Variants in SLC16A10 observed in about 807,000 individuals in gnomAD.
SLC16A10 encodes solute carrier family 16 member 10, also known as monocarboxylate transporter 10.
A neutral mutation model predicts 40.0 loss-of-function variants in SLC16A10; 27 were observed. The ratio of observed to expected loss-of-function variants is 0.67; its 90% CI spans 0.50 to 0.93. The LOEUF is 0.93. Ranked by LOEUF, SLC16A10 falls within the 40% of genes least tolerant of loss-of-function variation. SLC16A10 has a pLI of 0.00. For synonymous variants in SLC16A10, 213 were observed against 249.8 expected, an observed-to-expected ratio of 0.85 and a Z score of 1.39; for missense variants, 529 against 658.2, an observed-to-expected ratio of 0.80 and a Z score of 2.15.
At chr6:111,157,916 A>G (rs929694846) in intron 1 of SLC16A10, among the ~76,000 whole-genome samples, 3 of 151,540 alleles carry the variant, frequency 2.0e-5, no homozygotes, top group Non-Finnish European at 4.4e-5. Flanking sequence ...AAAAAAAAAA[A>G]AAAGAAAAAA....
At chr6:111,187,438 C>T (rs1772917691) in intron 3 of SLC16A10, among the ~76,000 whole-genome samples, 1 of 152,044 alleles carries the variant, frequency 6.6e-6, no homozygotes, top group Admixed American at 6.6e-5. Context: ...TAACTTAGGA[C>T]CTGAAAGGCA....
intron 3 of SLC16A10, among the ~76,000 whole-genome samples, chr6:111,203,688 C>T (rs1280743564): frequency 6.7e-6 from 1 of 148,740 alleles, no homozygotes; most frequent in Non-Finnish European, 1.5e-5. Flanking sequence ...CACCACTGCA[C>T]TCCAGCCTGG....
At chr6:111,164,550 A>G (rs535537605) in intron 1 of SLC16A10, among the ~76,000 whole-genome samples, 3 of 152,290 alleles carry the variant, frequency 2.0e-5, no homozygotes, top group African/African-American at 7.2e-5. Context: ...ACCTGAGGTC[A>G]GGAGTTCAAG....
intron 1 of SLC16A10, among the ~76,000 whole-genome samples, chr6:111,096,651 C>T (rs545900415): frequency 6.6e-6 from 1 of 152,204 alleles, no homozygotes; most frequent in Non-Finnish European, 1.5e-5. Flanking sequence ...AAAAAAAAGT[C>T]GATGAAGAAA....
In SLC16A10 at chr6:111,224,221, C is replaced by CAGA. The variant is rs1385065878; in HGVS notation, c.*1988_*1990dup. 3.3e-5 allele frequency: 5 copies of CAGA among 152,148 alleles called. No homozygotes were observed. Among genetic ancestry groups the CAGA allele is most frequent in the African/African-American group, 1.2e-4 (5 of 41,428 alleles). 9.4% of individuals were successfully genotyped at this position (152,148 alleles called of 1,614,324 possible). ...CTGTACTCTAGCCTGTTCAACTGAG[C>CAGA]AGAACCCTGTCTGTAAAAGAAAATC... On this transcript the variant is annotated 3_prime_UTR_variant, in exon 6 of 6. Coordinates refer to ENST00000368851, the MANE Select transcript of SLC16A10 (RefSeq NM_018593.5).
At chr6:111,156,126 A>G (rs1338946773) in intron 1 of SLC16A10, among the ~76,000 whole-genome samples, 3 of 152,244 alleles carry the variant, frequency 2.0e-5, no homozygotes, top group Non-Finnish European at 4.4e-5. Flanking sequence ...AAATCAGAGT[A>G]TAAAATAAAT....
chr6:111,215,537 T>C (rs976859736), intron 4 of SLC16A10, among the ~76,000 whole-genome samples: 2 of 152,066 alleles, frequency 1.3e-5, no homozygotes, highest in African/African-American at 4.8e-5. Flanking sequence ...TGGTTGGGAA[T>C]GTTTGGTCTA....
At chr6:111,107,436 ATACTC>A (rs936212919) in intron 1 of SLC16A10, among the ~76,000 whole-genome samples, 7 of 152,228 alleles carry the variant, frequency 4.6e-5, no homozygotes, top group Non-Finnish European at 1.0e-4. Flanking sequence ...TATGGGGACA[ATACTC>A]TAAAGGAACC....
intron 1 of SLC16A10, among the ~76,000 whole-genome samples, chr6:111,104,708 T>C (rs935935729): frequency 1.8e-4 from 28 of 152,184 alleles, no homozygotes; most frequent in African/African-American, 6.5e-4. Flanking sequence ...AGTCCAGTGG[T>C]GGGGCTTTGG....
chr6:111,184,108 T>C (rs999138410), intron 3 of SLC16A10, among the ~76,000 whole-genome samples: 1 of 152,206 alleles, frequency 6.6e-6, no homozygotes, highest in Admixed American at 6.5e-5. Flanking sequence ...GCTGATGATG[T>C]AGTTTCAGTT....
chr6:111,132,221 A>C (rs1771796755), intron 1 of SLC16A10, among the ~76,000 whole-genome samples: 1 of 152,160 alleles, frequency 6.6e-6, no homozygotes, highest in Non-Finnish European at 1.5e-5. Context: ...CAGAGGGGAG[A>C]GAAAGAGAGA....
chr6:111,181,108 A>G (rs1367609132), intron 3 of SLC16A10, among the ~76,000 whole-genome samples: 1 of 151,698 alleles, frequency 6.6e-6, no homozygotes, highest in African/African-American at 2.4e-5. Context: ...TCAGCTACTC[A>G]GGAGGCTGAG....
intron 1 of SLC16A10, among the ~76,000 whole-genome samples, chr6:111,169,849 A>G (rs188937802): frequency 8.5e-5 from 13 of 152,240 alleles, no homozygotes; most frequent in Non-Finnish European, 1.6e-4. Flanking sequence ...TATTTGGTAT[A>G]GAAGTAGGTT....
intron 4 of SLC16A10, among the ~76,000 whole-genome samples, chr6:111,207,403 C>T (rs1773272654): frequency 6.6e-6 from 1 of 152,156 alleles, no homozygotes; most frequent in African/African-American, 2.4e-5. Context: ...ATTGCCTCCT[C>T]GTGTTTTGGG....
At chr6:111,147,356 A>G (rs1772098351) in intron 1 of SLC16A10, among the ~76,000 whole-genome samples, 1 of 152,232 alleles carries the variant, frequency 6.6e-6, no homozygotes, top group Admixed American at 6.5e-5. Context: ...AATAAAAGCA[A>G]AACTGTTCTA....
At chr6:111,171,815 C>CAAAAA in intron 1 of SLC16A10, among the ~76,000 whole-genome samples, 1 of 86,074 alleles carries the variant, frequency 1.2e-5, no homozygotes, top group Non-Finnish European at 2.5e-5. Flanking sequence ...GACCTTTTCT[C>CAAAAA]AAAAAAAAAA....
chr6:111,164,484 G>A (rs1265571920), intron 1 of SLC16A10, among the ~76,000 whole-genome samples: 3 of 152,162 alleles, frequency 2.0e-5, no homozygotes, highest in East Asian at 3.8e-4. Flanking sequence ...AGCAGGCTGG[G>A]TGTGGTGGCT....
At chr6:111,116,741 G>A (rs1169776984) in intron 1 of SLC16A10, among the ~76,000 whole-genome samples, 1 of 152,146 alleles carries the variant, frequency 6.6e-6, no homozygotes, top group Non-Finnish European at 1.5e-5. Flanking sequence ...TGAAGACATA[G>A]TTGTGTTAGG....
chr6:111,205,456 T>C (rs1193030765), intron 3 of SLC16A10, among the ~76,000 whole-genome samples: 1 of 152,154 alleles, frequency 6.6e-6, no homozygotes, highest in Non-Finnish European at 1.5e-5. Flanking sequence ...GTAGTCTCTG[T>C]TATAAGTACA....
Sources: allele counts gnomAD v4.1 joint callset (sites outside exome capture counted in the v4.1 genomes callset), GRCh38; gene constraint gnomAD v4.1.1; transcripts MANE v1.5; gene names NCBI Gene and HGNC (gene_info 2026-07-23, HGNC 2026-07-21).